The following PRSS23 variants were observed in gnomAD, a reference collection of about 807,000 sequenced individuals.
The protein encoded by PRSS23 is protease, serine 23.
Under a neutral mutation model 34.7 loss-of-function variants are expected in PRSS23, and 25 were observed. The observed-to-expected ratio is 0.72, with a 90% CI of 0.53 to 1.01. PRSS23 has a LOEUF of 1.01. Among genes scored for constraint, PRSS23 ranks in the 50% least tolerant of loss-of-function variants. The probability of loss-of-function intolerance (pLI) is 0.00; values close to 1 mark genes in which losing one functional copy is unlikely to be tolerated. For synonymous variants in PRSS23, 176 were observed against 186.6 expected, an observed-to-expected ratio of 0.94 and a Z score of 0.46; for missense variants, 445 against 475.6, an observed-to-expected ratio of 0.94 and a Z score of 0.60.
At chr11:86,871,848 G>T (rs547037707) in intron 2 of PRSS23, among the ~76,000 whole-genome samples, 1 of 152,284 alleles carries the variant, frequency 6.6e-6, no homozygotes, top group African/African-American at 2.4e-5. Flanking sequence ...AACATGTTCA[G>T]GCAGAAGGGT....
chr11:86,882,659 A>T (rs937423073), intron 2 of PRSS23, among the ~76,000 whole-genome samples: 1 of 152,186 alleles, frequency 6.6e-6, no homozygotes, highest in African/African-American at 2.4e-5. Context: ...GCTGCAATGA[A>T]CATACATGTA....
downstream of PRSS23, among the ~76,000 whole-genome samples, chr11:86,813,602 T>A (rs577070029): frequency 6.6e-6 from 1 of 152,260 alleles, no homozygotes; most frequent in Non-Finnish European, 1.5e-5. Context: ...GTTTCAGAGA[T>A]CACACAGAAA....
intron 2 of PRSS23, chr11:86,911,662 A>G (rs899721232): frequency 5.9e-5 from 9 of 152,198 alleles, no homozygotes. Flanking sequence ...TCTTTTTCAC[A>G]TCACATCACT....
chr11:86,833,201 A>C (rs2134892095), intron 2 of PRSS23: 1 of 1,278,938 alleles, frequency 7.8e-7, no homozygotes, highest in South Asian at 1.2e-5. Context: ...CTGCTGTGAG[A>C]TTGGATGTCC....
chr11:86,909,748 A>G (rs1948966200), intron 2 of PRSS23: 1 of 152,216 alleles, frequency 6.6e-6, no homozygotes. Flanking sequence ...TTTCTAAGCA[A>G]AAGTTTATCC....
chr11:86,860,760 C>T (rs1436732854), intron 2 of PRSS23, among the ~76,000 whole-genome samples: 6 of 151,834 alleles, frequency 4.0e-5, no homozygotes, highest in South Asian at 4.2e-4. Flanking sequence ...TGATATTGTT[C>T]CTTATATCCC....
At chr11:86,850,130 A>T (rs1948518192) in intron 2 of PRSS23, among the ~76,000 whole-genome samples, 1 of 151,952 alleles carries the variant, frequency 6.6e-6, no homozygotes, top group African/African-American at 2.4e-5. Flanking sequence ...ACTATTACTC[A>T]CCTTTAGGCC....
intron 2 of PRSS23, among the ~76,000 whole-genome samples, chr11:86,931,980 C>A (rs7948323): frequency 0.62 from 94,970 of 151,990 alleles, 30,172 homozygotes; most frequent in Non-Finnish European, 0.69. Context: ...TCATGCAAAC[C>A]ATGAAGCTCT....
downstream of PRSS23, among the ~76,000 whole-genome samples, chr11:86,816,112 C>G (rs959043836): frequency 6.6e-6 from 1 of 152,206 alleles, no homozygotes; most frequent in Admixed American, 6.5e-5. Context: ...AACCTGTCGT[C>G]TAGCCAAGTT....
intron 2 of PRSS23, among the ~76,000 whole-genome samples, chr11:86,842,319 C>T (rs1340926189): frequency 3.3e-5 from 5 of 152,170 alleles, no homozygotes; most frequent in Non-Finnish European, 7.3e-5. Context: ...AACCCACAGC[C>T]AATATCATAC....
intron 2 of PRSS23, among the ~76,000 whole-genome samples, chr11:86,925,378 G>A (rs1263165316): frequency 6.6e-6 from 1 of 151,842 alleles, no homozygotes; most frequent in Admixed American, 6.6e-5. Context: ...TTGATAAGCT[G>A]CTTCTCATTG....
At chr11:86,800,693 A>C (rs1948024798) in intron 1 of PRSS23, 42 bp downstream of exon 1, 1 of 967,370 alleles carries the variant, frequency 1.0e-6, no homozygotes, top group Non-Finnish European at 1.2e-6. Context: ...CGGGCGCGGG[A>C]GAGGCGAGGC....
chr11:86,861,413 C>T (rs1363376033), intron 2 of PRSS23, among the ~76,000 whole-genome samples: 1 of 151,886 alleles, frequency 6.6e-6, no homozygotes, highest in African/African-American at 2.4e-5. Flanking sequence ...ATATTACTCC[C>T]CATATCGCAG....
chr11:86,900,788 T>TC (rs1231102999), intron 2 of PRSS23, among the ~76,000 whole-genome samples: 1 of 143,592 alleles, frequency 7.0e-6, no homozygotes, highest in Non-Finnish European at 1.5e-5. Context: ...TCTCTTTTTT[T>TC]TTTTTTTTTT....
At chr11:86,801,677 T>C (rs1948040311) in intron 1 of PRSS23, among the ~76,000 whole-genome samples, 1 of 152,208 alleles carries the variant, frequency 6.6e-6, no homozygotes, top group African/African-American at 2.4e-5. Flanking sequence ...AGGATATTTA[T>C]TGCATGTTGT....
intron 2 of PRSS23, among the ~76,000 whole-genome samples, chr11:86,850,386 C>G (rs116107472): frequency 6.6e-6 from 1 of 152,160 alleles, no homozygotes; most frequent in Non-Finnish European, 1.5e-5. Flanking sequence ...CAGCTCCCAA[C>G]AGCAGTTGGG....
chr11:86,860,824 C>T (rs1445542116), intron 2 of PRSS23, among the ~76,000 whole-genome samples: 2 of 151,666 alleles, frequency 1.3e-5, no homozygotes, highest in African/African-American at 4.9e-5. Flanking sequence ...TGTACGTCAC[C>T]CTGTGATATT....
At chr11:86,812,245 G>T (rs570245463), downstream of PRSS23, among the ~76,000 whole-genome samples, 6 of 152,166 alleles carry the variant, frequency 3.9e-5, no homozygotes, top group Admixed American at 2.0e-4. Context: ...AGGAACAAAG[G>T]TGGGGCTGCA....
chr11:86,927,301 C>T (rs1461392464), intron 2 of PRSS23, among the ~76,000 whole-genome samples: 1 of 152,134 alleles, frequency 6.6e-6, no homozygotes, highest in Non-Finnish European at 1.5e-5. Flanking sequence ...AAGACAGTCT[C>T]ACAGCTAATA....
Sources: allele counts gnomAD v4.1 joint callset (sites outside exome capture counted in the v4.1 genomes callset), GRCh38; gene constraint gnomAD v4.1.1; transcripts MANE v1.5; gene names NCBI Gene and HGNC (gene_info 2026-07-23, HGNC 2026-07-21).